The following RASGEF1C variants were observed in gnomAD, a reference collection of about 807,000 sequenced individuals.
RASGEF1C encodes the protein ras-GEF domain-containing family member 1C.
In RASGEF1C, 27 loss-of-function variants were observed where a neutral mutation model predicts 58.1. That is an observed-to-expected ratio of 0.46 (90% CI 0.34 to 0.64). The LOEUF is 0.64. RASGEF1C is among the 30% of genes least tolerant of loss of function. The probability of loss-of-function intolerance (pLI) is 0.01; values close to 1 mark genes in which losing one functional copy is unlikely to be tolerated. For synonymous variants in RASGEF1C, 243 were observed against 246.3 expected (o/e 0.99, Z 0.13); for missense variants, 502 against 605.1 (o/e 0.83, Z 1.79).
rs1255553954 is a variant in RASGEF1C at position 180,168,328 on chromosome 5, G to A, written c.-6-30270C>T. ...CATGCCTGTAATCGCAGCTACTCGG[G>A]AGACTGAGGCAGGAGAATTGCTTGA... On this transcript the variant is annotated intron_variant, in intron 1 of 13. Coordinates refer to ENST00000361132, the MANE Select transcript of RASGEF1C (RefSeq NM_175062.4). The surrounding 1 kb of genome is among the most constrained non-coding windows in gnomAD (Gnocchi z 6.0). Among the ~76,000 whole-genome samples, 1 of 152,140 alleles carries A rather than the reference G, an allele frequency of 6.6e-6. No individual in the cohort carries two copies. Among genetic ancestry groups the A allele is most frequent in the Non-Finnish European group, 1.5e-5 (1 of 68,028 alleles).
At chr5:180,136,065 G>A (rs1231949204) in intron 4 of RASGEF1C, among the ~76,000 whole-genome samples, 1 of 152,178 alleles carries the variant, frequency 6.6e-6, no homozygotes, top group Non-Finnish European at 1.5e-5. Context: ...CCCAGGACAG[G>A]GCTCTGCCAG....
intron 4 of RASGEF1C, among the ~76,000 whole-genome samples, chr5:180,135,052 C>G (rs569901523): frequency 6.8e-6 from 1 of 146,756 alleles, no homozygotes; most frequent in South Asian, 2.3e-4. Flanking sequence ...CCCACCCCCC[C>G]CGTCCAATCA....
In RASGEF1C at chr5:180,117,731, C is replaced by T. The variant is rs553512548; in HGVS notation, c.1083+878G>A. On this transcript the variant is annotated intron_variant, in intron 10 of 13. Coordinates refer to ENST00000361132, the MANE Select transcript of RASGEF1C (RefSeq NM_175062.4). ...GGCTGTGGCTGGGCGCAGTGGCTCA[C>T]GCATGTAATCCCAGCACTTTGGGAG... Among the ~76,000 whole-genome samples, 8 of 152,234 alleles carry T rather than the reference C, an allele frequency of 5.3e-5. No individual in the cohort carries two copies. The East Asian group carries it at 5.8e-4, about 11-fold the overall frequency.
chr5:180,107,614 A>T (rs564417114), intron 12 of RASGEF1C, among the ~76,000 whole-genome samples: 3 of 151,564 alleles, frequency 2.0e-5, no homozygotes, highest in Non-Finnish European at 2.9e-5. Flanking sequence ...TTTTTTAATT[A>T]TTTTTTTTCT....
At chr5:180,102,488 C>T (rs1008594387) in intron 12 of RASGEF1C, among the ~76,000 whole-genome samples, 2 of 152,152 alleles carry the variant, frequency 1.3e-5, no homozygotes, top group Non-Finnish European at 2.9e-5. Flanking sequence ...TGAGGGTTAT[C>T]TCTTGCTTTT....
chr5:180,178,076 C>T (rs1198938476), intron 1 of RASGEF1C, among the ~76,000 whole-genome samples: 1 of 151,692 alleles, frequency 6.6e-6, no homozygotes, highest in Non-Finnish European at 1.5e-5. Context: ...AAGTGATTCT[C>T]CTGCCTCAGC....
At chr5:180,145,020 A>G (rs1766641812) in intron 1 of RASGEF1C, among the ~76,000 whole-genome samples, 1 of 152,242 alleles carries the variant, frequency 6.6e-6, no homozygotes, top group Non-Finnish European at 1.5e-5. Context: ...CTGCATGCAC[A>G]TACCATATTT....
intron 1 of RASGEF1C, among the ~76,000 whole-genome samples, chr5:180,154,397 A>G (rs200504065): frequency 6.6e-6 from 1 of 152,152 alleles, no homozygotes; most frequent in East Asian, 1.9e-4. Flanking sequence ...CTTAAGTTAA[A>G]GAAGAAATAC....
At chr5:180,123,549 G>A (rs771835052) in intron 6 of RASGEF1C, among the ~76,000 whole-genome samples, 1 of 152,048 alleles carries the variant, frequency 6.6e-6, no homozygotes, top group Non-Finnish European at 1.5e-5. Flanking sequence ...AATAAAACTT[G>A]GAGGCTGTAA....
In RASGEF1C at chr5:180,177,598, C is replaced by T. The variant is rs1767251334; in HGVS notation, c.-7+31430G>A. On this transcript the variant is annotated intron_variant, in intron 1 of 13. Transcript: ENST00000361132. This position sits in a 1 kb window ranked among gnomAD's most constrained non-coding sequence, Gnocchi z 5.0. ...AACAGAGCCCATTTGTCCTTCCTCT[C>T]CTGCCCGTGGTAGGAGGACATGGCC... Among the ~76,000 whole-genome samples the T allele has an allele frequency of 6.6e-6, 1 of 152,160 alleles. No homozygotes were observed. Among genetic ancestry groups the T allele is most frequent in the Admixed American group, 6.5e-5 (1 of 15,288 alleles).
At chr5:180,132,736 C>A (rs780421665) in intron 4 of RASGEF1C, among the ~76,000 whole-genome samples, 3 of 152,088 alleles carry the variant, frequency 2.0e-5, no homozygotes, top group Non-Finnish European at 4.4e-5. Flanking sequence ...TTTGGGAGGC[C>A]GAGGCGGGCA....
intron 1 of RASGEF1C, among the ~76,000 whole-genome samples, chr5:180,201,111 G>C (rs1054701079): frequency 1.3e-5 from 2 of 152,018 alleles, no homozygotes; most frequent in African/African-American, 4.8e-5. Flanking sequence ...ATAAAAACAA[G>C]AAGAAGAAAG....
At chr5:180,193,097 C>A (rs1240947312) in intron 1 of RASGEF1C, among the ~76,000 whole-genome samples, 2 of 145,942 alleles carry the variant, frequency 1.4e-5, no homozygotes, top group African/African-American at 5.1e-5. Flanking sequence ...GCTCTTTCAC[C>A]CAGGCCAGAG....
At chr5:180,146,303 C>G (rs913662884) in intron 1 of RASGEF1C, among the ~76,000 whole-genome samples, 5 of 152,130 alleles carry the variant, frequency 3.3e-5, no homozygotes, top group Admixed American at 6.6e-5. Flanking sequence ...CCACCACACC[C>G]GGCTCATTTT....
chr5:180,186,410 A>C (rs928910890), intron 1 of RASGEF1C, among the ~76,000 whole-genome samples: 3 of 152,248 alleles, frequency 2.0e-5, no homozygotes, highest in Admixed American at 2.0e-4. Context: ...AAAATGAATT[A>C]AGAAAACAAT....
intron 1 of RASGEF1C, among the ~76,000 whole-genome samples, chr5:180,182,320 C>T (rs530143947): frequency 6.0e-5 from 9 of 150,328 alleles, no homozygotes; most frequent in African/African-American, 2.2e-4. Context: ...GGTTTGTGGT[C>T]TCGCTGACTT....
chr5:180,191,333 T>G (rs1319739896), intron 1 of RASGEF1C, among the ~76,000 whole-genome samples: 2 of 151,826 alleles, frequency 1.3e-5, no homozygotes, highest in African/African-American at 2.4e-5. Context: ...AAGACTTGCT[T>G]ATAAATGTTC....
intron 8 of RASGEF1C, 45 bp downstream of exon 8, chr5:180,119,301 G>A (rs1766126991): frequency 1.3e-6 from 2 of 1,514,664 alleles, no homozygotes. Context: ...CGGCCTCTCG[G>A]GGGACCCGTG....
At chr5:180,208,800 C>G (rs1756540816) in intron 1 of RASGEF1C, among the ~76,000 whole-genome samples, 1 of 151,936 alleles carries the variant, frequency 6.6e-6, no homozygotes, top group African/African-American at 2.4e-5. Flanking sequence ...GGTCTCCCGC[C>G]AGGTGGCCGG....
Sources: gnomAD v4.1 joint callset for allele counts (sites outside exome capture counted in the v4.1 genomes callset) on GRCh38, gnomAD v4.1.1 for gene constraint, Gnocchi (gnomAD v3.1) non-coding constraint, MANE v1.5 for transcripts, NCBI Gene and HGNC (gene_info 2026-07-23, HGNC 2026-07-21) for gene names.